The following TMLHE variants were observed in gnomAD, a reference collection of about 807,000 sequenced individuals.
The protein encoded by TMLHE is trimethyllysine hydroxylase, epsilon.
In TMLHE, 18 loss-of-function variants were observed where a neutral mutation model predicts 25.7. The ratio of observed to expected loss-of-function variants is 0.70; its 90% CI spans 0.48 to 1.04. TMLHE has a LOEUF of 1.04. Among genes scored for constraint, TMLHE ranks in the 50% least tolerant of loss-of-function variants. The pLI is 0.00. For missense variants in TMLHE, 236 were observed against 259.0 expected, an observed-to-expected ratio of 0.91 and a Z score of 0.61; for synonymous variants, 105 against 97.0, an observed-to-expected ratio of 1.08 and a Z score of -0.49.
chrX:155,531,979 A>G (rs1303080981), intron 2 of TMLHE, among the ~76,000 whole-genome samples: 1 of 112,043 alleles, frequency 8.9e-6, no homozygotes, highest in Non-Finnish European at 1.9e-5. Context: ...AATAAAAACA[A>G]GAAGTAAAAA....
Position 155,514,092 on chromosome X carries a change from TC to T in TMLHE, c.531del (p.Lys178ArgfsTer15), listed in dbSNP as rs1450065357. On this transcript the variant is annotated frameshift_variant, in exon 4 of 8. Coordinates refer to ENST00000334398, the MANE Select transcript of TMLHE (RefSeq NM_018196.4). LOFTEE classifies it high-confidence loss of function. ...CQSFLETNEG[L>X]KKFLQNFLLY... ...AGCAGAAAGTTTTGCAGAAACTTCT[TC>T]AGTCCCTCGTTGGTTTCTAAGAAGC... The T allele has an allele frequency of 2.5e-6, 3 of 1,209,459 alleles. No individual in the cohort carries two copies. The African/African-American group carries it at 5.3e-5, about 21-fold the overall frequency.
rs1449662986 is a variant in TMLHE, at chrX:155,572,152, T to C, written c.-1-26875A>G. 5.4e-5 allele frequency among the ~76,000 whole-genome samples: 3 copies of C among 55,807 alleles called. 1 individual carries two copies. In the Admixed American group the frequency reaches 6.2e-4, roughly 12 times the overall value. The allele number at this position is 55,807 out of a possible 115,157, so 48.5% of individuals were successfully genotyped here. A position where few individuals can be genotyped will look rare whatever the true frequency, so the allele number is the denominator to read the frequency against. ...TTCAGCAAAGTCTCAGGATACAAAA[T>C]CAATGTGCAAAAATCACAAGCATTC... On this transcript the variant is annotated intron_variant, in intron 1 of 7. Coordinates refer to ENST00000334398, the MANE Select transcript of TMLHE (RefSeq NM_018196.4).
intron 2 of TMLHE, among the ~76,000 whole-genome samples, chrX:155,525,456 C>T (rs934454224): frequency 1.9e-4 from 21 of 112,060 alleles, no homozygotes; most frequent in African/African-American, 6.8e-4. Context: ...TACCCAGTTT[C>T]AGGTTGTTCT....
chrX:155,548,205 A>G (rs2067368278), intron 1 of TMLHE, among the ~76,000 whole-genome samples: 1 of 112,170 alleles, frequency 8.9e-6, no homozygotes, highest in Admixed American at 9.5e-5. Flanking sequence ...CTGGAGTAAG[A>G]CTTCAAAAGC....
intron 1 of TMLHE, among the ~76,000 whole-genome samples, chrX:155,592,674 G>A (rs1268296018): frequency 2.7e-5 from 3 of 111,957 alleles, no homozygotes; most frequent in Admixed American, 9.4e-5. Flanking sequence ...AAAGAATAAT[G>A]ACACAGCTAG....
At chrX:155,580,407 C>T (rs1557344369) in intron 1 of TMLHE, among the ~76,000 whole-genome samples, 2 of 111,168 alleles carry the variant, frequency 1.8e-5, no homozygotes, top group Non-Finnish European at 3.8e-5. Context: ...ATTAATATAA[C>T]CTCTACAGTA....
chrX:155,581,661 A>G (rs1270362151), intron 1 of TMLHE, among the ~76,000 whole-genome samples: 2 of 111,908 alleles, frequency 1.8e-5, no homozygotes, highest in Non-Finnish European at 1.9e-5. Flanking sequence ...CCACTGCTCA[A>G]TAAAATAAAA....
chrX:155,592,413 G>C (rs192399164), intron 1 of TMLHE, among the ~76,000 whole-genome samples: 1 of 111,894 alleles, frequency 8.9e-6, no homozygotes, highest in African/African-American at 3.3e-5. Context: ...CAAAACTTGG[G>C]AAAAGCCTGA....
chrX:155,541,598 C>G (rs1412757466), intron 2 of TMLHE, among the ~76,000 whole-genome samples: 5 of 111,637 alleles, frequency 4.5e-5, no homozygotes, highest in African/African-American at 1.6e-4. Context: ...AATTCCAGTT[C>G]TAGATCCTTG....
intron 1 of TMLHE, among the ~76,000 whole-genome samples, chrX:155,547,728 A>C (rs1186878898): frequency 9.0e-6 from 1 of 110,579 alleles, no homozygotes; most frequent in Non-Finnish European, 1.9e-5. Flanking sequence ...AAAAAAAAAA[A>C]AGATGGGATT....
intron 1 of TMLHE, among the ~76,000 whole-genome samples, chrX:155,597,024 C>T (rs1288253536): frequency 2.8e-5 from 2 of 72,114 alleles, no homozygotes; most frequent in African/African-American, 1.1e-4. Context: ...GCTATCCCTC[C>T]CCCCTCCCCC....
rs782532264 is a variant in TMLHE, at chrX:155,578,767, T to TGG, written c.-1-33492_-1-33491dup. ...ACACCAGAGCCAGAATACATGGCTC[T>TGG]GGGGTTCAAGGACAGGCAAGCTCAG... On this transcript the variant is annotated intron_variant, in intron 1 of 7. Coordinates refer to ENST00000334398, the MANE Select transcript of TMLHE (RefSeq NM_018196.4). 3.4e-4 allele frequency among the ~76,000 whole-genome samples: 38 copies of TGG among 110,974 alleles called. 1 individual carries two copies. The East Asian group carries it at 8.8e-3, about 26-fold the overall frequency.
Position 155,549,311 on chromosome X carries a change from ATT to A in TMLHE, c.-1-4036_-1-4035del, listed in dbSNP as rs1557339626. Among the ~76,000 whole-genome samples the A allele has an allele frequency of 2.7e-5, 3 of 110,455 alleles. 1 individual carries two copies. The highest frequency in any genetic ancestry group is 5.7e-5 in the Non-Finnish European group (3 of 52,937). ...CTTGTTCCTGATCTTAGGGGAAAAC[ATT>A]CTAGTTTCATGATTAAGTATGTTGT... On this transcript the variant is annotated intron_variant, in intron 1 of 7. Transcript: ENST00000334398.
At chrX:155,534,118 G>A (rs1197921573) in intron 2 of TMLHE, among the ~76,000 whole-genome samples, 1 of 111,756 alleles carries the variant, frequency 8.9e-6, no homozygotes, top group Non-Finnish European at 1.9e-5. Flanking sequence ...ACTGCCAGCT[G>A]GGACCAAAAA....
intron 6 of TMLHE, 30 bp downstream of exon 6, chrX:155,506,868 T>A (rs1557332726): frequency 8.7e-7 from 1 of 1,151,540 alleles, no homozygotes; most frequent in Admixed American, 2.2e-5. Context: ...GCAAATATAT[T>A]ACAGTTGGGG....
chrX:155,577,184 A>G (rs1440990070), intron 1 of TMLHE, among the ~76,000 whole-genome samples: 1 of 112,330 alleles, frequency 8.9e-6, no homozygotes, highest in Non-Finnish European at 1.9e-5. Flanking sequence ...CCCATTAAAG[A>G]GTGGGCAAAA....
At position 155,577,850 on chromosome X, in the gene TMLHE, G is replaced by A. The variant is rs368709575; in HGVS notation, c.-1-32573C>T. ...ATCAGGCACTTTCACACACTCTGAG[G>A]ACGAATCCCATCCCTGCTGCTGCTG... is the stretch of plus-strand genomic sequence containing the variant. On this transcript the variant is annotated intron_variant, in intron 1 of 7. Coordinates refer to ENST00000334398, the MANE Select transcript of TMLHE (RefSeq NM_018196.4). Among the ~76,000 whole-genome samples, 16 of 111,548 alleles carry A rather than the reference G, an allele frequency of 1.4e-4. 1 individual carries two copies. In the East Asian group the frequency reaches 4.0e-3, roughly 28 times the overall value.
At chrX:155,504,755 A>G (rs2067067127) in intron 6 of TMLHE, among the ~76,000 whole-genome samples, 1 of 111,687 alleles carries the variant, frequency 9.0e-6, no homozygotes, top group Non-Finnish European at 1.9e-5. Context: ...CAGCAACTTT[A>G]TTCATAATAA....
chrX:155,549,952 C>T, intron 1 of TMLHE, among the ~76,000 whole-genome samples: 1 of 109,771 alleles, frequency 9.1e-6, no homozygotes, highest in Admixed American at 9.7e-5. Context: ...TCAACTCCCA[C>T]TTATGAGTGA....
Sources: gnomAD v4.1 joint callset for allele counts (sites outside exome capture counted in the v4.1 genomes callset) on GRCh38, gnomAD v4.1.1 for gene constraint, MANE v1.5 for transcripts, NCBI Gene and HGNC (gene_info 2026-07-23, HGNC 2026-07-21) for gene names.